GATB: variants seen among roughly 807,000 people sequenced by gnomAD.
GATB encodes glutamyl-tRNA(Gln) amidotransferase subunit B, mitochondrial.
In GATB, 39 loss-of-function variants were observed where a neutral mutation model predicts 62.3. That is an observed-to-expected ratio of 0.63 (90% CI 0.48 to 0.82). GATB has a LOEUF of 0.82. Ranked by LOEUF, GATB falls within the 40% of genes least tolerant of loss-of-function variation. GATB has a pLI of 0.00. For missense variants in GATB, 670 were observed against 684.0 expected (o/e 0.98, Z 0.23); for synonymous variants, 276 against 258.9 (o/e 1.07, Z -0.63).
chr4:151,733,804 TC>T (rs1739316120), intron 2 of GATB, among the ~76,000 whole-genome samples: 1 of 152,294 alleles, frequency 6.6e-6, no homozygotes, highest in African/African-American at 2.4e-5. Flanking sequence ...CATATGCAAT[TC>T]AATAAATGGG....
intron 2 of GATB, chr4:151,723,189 G>A (rs1414505775): frequency 2.0e-5 from 3 of 152,154 alleles, no homozygotes; most frequent in African/African-American, 4.8e-5. Flanking sequence ...GGTCAGCAGC[G>A]AGTATTTATT....
At chr4:151,741,367 C>A (rs1739481861) in intron 2 of GATB, among the ~76,000 whole-genome samples, 1 of 152,180 alleles carries the variant, frequency 6.6e-6, no homozygotes. Context: ...GTACAAAATT[C>A]ATTTTGAACA....
chr4:151,718,187 C>T (rs1738952298), intron 3 of GATB, among the ~76,000 whole-genome samples: 1 of 152,184 alleles, frequency 6.6e-6, no homozygotes, highest in Non-Finnish European at 1.5e-5. Context: ...ATGATGATGT[C>T]AGTGCCCTGG....
At chr4:151,721,958 T>C in intron 2 of GATB, 7 of 548,374 alleles carry the variant, frequency 1.3e-5, no homozygotes, top group South Asian at 1.2e-4. Flanking sequence ...ACAGTGATAC[T>C]GAGAATATGC....
intron 8 of GATB, chr4:151,703,188 C>G (rs900563446): frequency 1.3e-5 from 2 of 152,364 alleles, no homozygotes; most frequent in African/African-American, 4.8e-5. Flanking sequence ...TTCTTTCCCA[C>G]ATAAACATGC....
At chr4:151,735,155 TG>T (rs1384772595) in intron 2 of GATB, among the ~76,000 whole-genome samples, 1 of 148,878 alleles carries the variant, frequency 6.7e-6, no homozygotes, top group Non-Finnish European at 1.5e-5. Flanking sequence ...ACCCACAAAG[TG>T]GGAGAAAATC....
rs780436030 is a variant in GATB, at chr4:151,672,864, C to T, written c.1443G>A (p.Lys481=). 1 of 1,614,232 alleles carries T rather than the reference C, an allele frequency of 6.2e-7. No individual in the cohort carries two copies. The highest frequency in any genetic ancestry group is 8.5e-7 in the Non-Finnish European group (1 of 1,180,030). Reference sequence around the variant, plus strand: ...TTTCTGAAACAATCTGCCCTGGAGTCTTGCCTTCCCTCTTCCACAGTTCCT... The same window carrying T: ...TTTCTGAAACAATCTGCCCTGGAGTTTTGCCTTCCCTCTTCCACAGTTCCT... ...VFEELWKREG[K]TPGQIVSEKQ... The change falls in exon 12 of 13, where the codon AAG becomes AAA. Residue 481 remains lysine (K), a synonymous_variant. Transcript: ENST00000263985.
Position 151,750,802 on chromosome 4 carries a change from A to AT in GATB, c.327+7969dup, listed in dbSNP as rs113055258. Among the ~76,000 whole-genome samples the AT allele has an allele frequency of 3.8e-3, 535 of 140,408 alleles. 2 individuals carry two copies. The highest frequency in any genetic ancestry group is 9.9e-3 in the African/African-American group (381 of 38,398). 92.1% of individuals were successfully genotyped at this position (140,408 alleles called of 152,430 possible). A position where few individuals can be genotyped will look rare whatever the true frequency, so the allele number is the denominator to read the frequency against. Reference sequence around the variant, plus strand: ...ACCACCATGCCCGACTTATTTTTGTATTTTTTTTTTTTGTAGAGACAGGGT... The same window carrying AT: ...ACCACCATGCCCGACTTATTTTTGTATTTTTTTTTTTTTGTAGAGACAGGGT... On this transcript the variant is annotated intron_variant, in intron 2 of 12. Coordinates refer to ENST00000263985, the MANE Select transcript of GATB (RefSeq NM_004564.3).
intron 9 of GATB, chr4:151,691,808 A>G (rs1450261703): frequency 6.6e-6 from 1 of 152,254 alleles, no homozygotes; most frequent in African/African-American, 2.4e-5. Context: ...TATTTACGAG[A>G]AGGAAACCTG....
chr4:151,732,348 T>C (rs1739285740), intron 2 of GATB, among the ~76,000 whole-genome samples: 1 of 152,184 alleles, frequency 6.6e-6, no homozygotes, highest in Non-Finnish European at 1.5e-5. Flanking sequence ...GAAGTAGACA[T>C]AGGAGACTCC....
chr4:151,689,808 G>C (rs927300297), intron 9 of GATB, among the ~76,000 whole-genome samples: 1 of 152,050 alleles, frequency 6.6e-6, no homozygotes, highest in African/African-American at 2.4e-5. Flanking sequence ...CTATGCATAC[G>C]ACCAGCCCTG....
chr4:151,700,409 G>T (rs1369865035), intron 9 of GATB, among the ~76,000 whole-genome samples: 3 of 152,226 alleles, frequency 2.0e-5, no homozygotes, highest in Admixed American at 6.5e-5. Context: ...GATGAAGAGA[G>T]AATCACTCAT....
At chr4:151,738,873 G>C (rs1289478254) in intron 2 of GATB, among the ~76,000 whole-genome samples, 1 of 152,204 alleles carries the variant, frequency 6.6e-6, no homozygotes, top group African/African-American at 2.4e-5. Flanking sequence ...ATAGGGACCA[G>C]GCAATTCTCA....
intron 10 of GATB, among the ~76,000 whole-genome samples, chr4:151,681,650 C>T (rs1342491214): frequency 2.0e-5 from 3 of 152,134 alleles, no homozygotes; most frequent in Non-Finnish European, 2.9e-5. Context: ...CCATACAAGT[C>T]GATGATTGCC....
chr4:151,686,412 A>G (rs1174729018), intron 10 of GATB, among the ~76,000 whole-genome samples: 4 of 152,086 alleles, frequency 2.6e-5, no homozygotes, highest in Non-Finnish European at 5.9e-5. Context: ...TTGGGCAAAC[A>G]ACTGTTGGGA....
At chr4:151,695,141 C>T (rs1578905530) in intron 9 of GATB, among the ~76,000 whole-genome samples, 1 of 152,308 alleles carries the variant, frequency 6.6e-6, no homozygotes, top group South Asian at 2.1e-4. Context: ...GATGTTTCTA[C>T]AGCCCTGCCT....
At chr4:151,728,762 G>A (rs1739186860) in intron 2 of GATB, among the ~76,000 whole-genome samples, 1 of 152,138 alleles carries the variant, frequency 6.6e-6, no homozygotes, top group Non-Finnish European at 1.5e-5. Context: ...TAATCAGAAT[G>A]AGATTTACTT....
chr4:151,685,558 T>C (rs1738226988), intron 10 of GATB, among the ~76,000 whole-genome samples: 2 of 152,182 alleles, frequency 1.3e-5, no homozygotes, highest in Admixed American at 6.5e-5. Flanking sequence ...ATTCCAGTTC[T>C]TTGCTGTTCC....
intron 9 of GATB, among the ~76,000 whole-genome samples, chr4:151,700,221 TCTGTGCTGAGTAGCACAGAGGA>T: frequency 6.6e-6 from 1 of 152,220 alleles, no homozygotes; most frequent in Non-Finnish European, 1.5e-5. Flanking sequence ...GTTGTGCTCA[TCTGTGCTGAGTAGCACAGAGGA>T]TGAAGCAGTC....
Sources: gnomAD v4.1 joint callset for allele counts (sites outside exome capture counted in the v4.1 genomes callset) on GRCh38, gnomAD v4.1.1 for gene constraint, MANE v1.5 for transcripts, NCBI Gene and HGNC (gene_info 2026-07-23, HGNC 2026-07-21) for gene names.